Variants in PTPRD observed in about 807,000 individuals in gnomAD.
PTPRD encodes receptor-type tyrosine-protein phosphatase delta.
A neutral mutation model predicts 214.5 loss-of-function variants in PTPRD; 34 were observed. The observed-to-expected ratio is 0.16, with a 90% CI of 0.12 to 0.21. The LOEUF is 0.21. Among genes scored for constraint, PTPRD ranks in the 10% least tolerant of loss-of-function variants. The pLI is 1.00. For missense variants in PTPRD, 2,545 were observed against 2,398.7 expected (o/e 1.06, Z -1.27); for synonymous variants, 1,128 against 845.7 (o/e 1.33, Z -5.79).
intron 3 of PTPRD, among the ~76,000 whole-genome samples, chr9:10,286,590 G>GT (rs940501447): frequency 6.6e-6 from 1 of 152,150 alleles, no homozygotes; most frequent in Non-Finnish European, 1.5e-5. Context: ...TACTATAAAT[G>GT]TTTTTTTGTT....
At chr9:10,018,527 G>C (rs1484295183) in intron 4 of PTPRD, among the ~76,000 whole-genome samples, 1 of 119,614 alleles carries the variant, frequency 8.4e-6, no homozygotes, top group Non-Finnish European at 1.8e-5. Context: ...ATTTATTTAA[G>C]AATTACATTT....
intron 5 of PTPRD, among the ~76,000 whole-genome samples, chr9:9,875,930 A>C (rs1485622961): frequency 6.6e-6 from 1 of 152,154 alleles, no homozygotes; most frequent in Non-Finnish European, 1.5e-5. Flanking sequence ...TGGAAGCAGA[A>C]AGATGGGATG....
At chr9:8,476,183 G>A (rs776618115) in intron 30 of PTPRD, among the ~76,000 whole-genome samples, 5 of 152,110 alleles carry the variant, frequency 3.3e-5, no homozygotes, top group Non-Finnish European at 7.3e-5. Flanking sequence ...GGTGGGGATT[G>A]GGGGGATGGT....
At chr9:10,284,202 G>T (rs2095260869) in intron 3 of PTPRD, among the ~76,000 whole-genome samples, 2 of 151,994 alleles carry the variant, frequency 1.3e-5, no homozygotes, top group African/African-American at 4.8e-5. Flanking sequence ...CAGCCTGTGT[G>T]ACAGAGACCC....
At chr9:10,441,976 GA>G (rs2098762274) in intron 2 of PTPRD, among the ~76,000 whole-genome samples, 2 of 151,414 alleles carry the variant, frequency 1.3e-5, no homozygotes, top group Admixed American at 6.6e-5. Flanking sequence ...AAAAACTGGA[GA>G]AAAAAGTTGA....
intron 2 of PTPRD, among the ~76,000 whole-genome samples, chr9:10,457,412 C>T (rs1402224669): frequency 6.6e-6 from 1 of 151,940 alleles, no homozygotes; most frequent in Non-Finnish European, 1.5e-5. Flanking sequence ...AATTAGTCAT[C>T]ATATAGTCTA....
At chr9:8,331,871 T>C (rs1228597671) in intron 43 of PTPRD, 135 bp from the exon 44 acceptor site, 9 of 1,021,096 alleles carry the variant, frequency 8.8e-6, no homozygotes, top group Non-Finnish European at 9.5e-6. Flanking sequence ...CATGTTTAAA[T>C]AGAAACTTAG....
chr9:8,414,555 A>G (rs920446077), intron 35 of PTPRD, among the ~76,000 whole-genome samples: 2 of 152,034 alleles, frequency 1.3e-5, no homozygotes, highest in African/African-American at 4.8e-5. Context: ...TGGGAGTTAT[A>G]GGGAGAATGG....
intron 27 of PTPRD, among the ~76,000 whole-genome samples, chr9:8,489,953 C>A (rs533079628): frequency 1.3e-5 from 2 of 152,272 alleles, no homozygotes; most frequent in Admixed American, 1.3e-4. Context: ...TTCTCTAATA[C>A]AGGCATATTC....
chr9:10,364,231 G>A (rs2097466011), intron 2 of PTPRD, among the ~76,000 whole-genome samples: 1 of 151,916 alleles, frequency 6.6e-6, no homozygotes, highest in African/African-American at 2.4e-5. Flanking sequence ...TCGATCTCCT[G>A]ACCTCGTGAT....
At chr9:9,076,490 T>C (rs2099751439) in intron 10 of PTPRD, among the ~76,000 whole-genome samples, 1 of 152,122 alleles carries the variant, frequency 6.6e-6, no homozygotes, top group African/African-American at 2.4e-5. Context: ...TTCTACTCGC[T>C]ATCTCCATGA....
At chr9:9,784,196 G>A (rs1431698206) in intron 5 of PTPRD, among the ~76,000 whole-genome samples, 1 of 151,864 alleles carries the variant, frequency 6.6e-6, no homozygotes, top group Non-Finnish European at 1.5e-5. Context: ...TAGTTTTAAG[G>A]GTCATAGTTT....
At chr9:9,117,080 C>T (rs974424390) in intron 10 of PTPRD, among the ~76,000 whole-genome samples, 2 of 152,078 alleles carry the variant, frequency 1.3e-5, no homozygotes, top group Admixed American at 6.6e-5. Context: ...GAAGGTGACT[C>T]CTGAAAGCAG....
intron 3 of PTPRD, among the ~76,000 whole-genome samples, chr9:10,225,141 C>G (rs1216187436): frequency 6.6e-6 from 1 of 151,780 alleles, no homozygotes; most frequent in Non-Finnish European, 1.5e-5. Flanking sequence ...AAAACTTTAA[C>G]TTAAAATTTA....
chr9:9,269,789 C>T (rs575817246), intron 9 of PTPRD, among the ~76,000 whole-genome samples: 27 of 151,118 alleles, frequency 1.8e-4, no homozygotes, highest in Non-Finnish European at 3.8e-4. Flanking sequence ...TCCACTTATA[C>T]ATGCAATCTA....
intron 14 of PTPRD, among the ~76,000 whole-genome samples, chr9:8,613,408 C>A (rs2095514807): frequency 6.6e-6 from 1 of 152,074 alleles, no homozygotes; most frequent in South Asian, 2.1e-4. Context: ...GGAAACAGAG[C>A]ACTTCAACCA....
At chr9:9,680,944 C>T (rs2097055831) in intron 7 of PTPRD, among the ~76,000 whole-genome samples, 1 of 151,752 alleles carries the variant, frequency 6.6e-6, no homozygotes, top group Admixed American at 6.6e-5. Context: ...CCACAAGAAT[C>T]AATCTTCACG....
chr9:8,581,617 A>G (rs4742524), intron 14 of PTPRD, among the ~76,000 whole-genome samples: 80,912 of 151,928 alleles, frequency 0.53, 24,806 homozygotes, highest in African/African-American at 0.87. Context: ...GCATGGTGGC[A>G]GATGCCTGTA....
intron 3 of PTPRD, among the ~76,000 whole-genome samples, chr9:10,168,092 C>T (rs1009590340): frequency 6.6e-6 from 1 of 152,080 alleles, no homozygotes; most frequent in Non-Finnish European, 1.5e-5. Context: ...TGTAGAACAT[C>T]TTGAAGTTTG....
Sources: allele counts gnomAD v4.1 joint callset (sites outside exome capture counted in the v4.1 genomes callset), GRCh38; gene constraint gnomAD v4.1.1; transcripts MANE v1.5; gene names NCBI Gene and HGNC (gene_info 2026-07-23, HGNC 2026-07-21).